Variants in RAVER1 observed in about 807,000 individuals in gnomAD.
The protein encoded by RAVER1 is ribonucleoprotein, PTB binding 1.
A neutral mutation model predicts 68.4 loss-of-function variants in RAVER1; 36 were observed. The ratio of observed to expected loss-of-function variants is 0.53; its 90% CI spans 0.40 to 0.70. The LOEUF is 0.70. Among genes scored for constraint, RAVER1 ranks in the 30% least tolerant of loss-of-function variants. RAVER1 has a pLI of 0.00. For missense variants in RAVER1, 933 were observed against 1,019.8 expected (o/e 0.91, Z 1.16); for synonymous variants, 469 against 472.7 (o/e 0.99, Z 0.10).
At position 10,322,508 on chromosome 19, in the gene RAVER1, G is replaced by A. The variant is rs1023388018; in HGVS notation, c.1173+137C>T. 1.7e-5 allele frequency: 10 copies of A among 603,004 alleles called. No individual in the cohort carries two copies. Among genetic ancestry groups the A allele is most frequent in the Non-Finnish European group, 2.6e-5 (9 of 349,832 alleles). 37.4% of individuals were successfully genotyped at this position (603,004 alleles called of 1,614,324 possible). ...ATGTGGGTGGGAAAGGCAGGGGTTT[G>A]GGGGAGTCGCCCTCACCCTGGTTCT... On this transcript the variant is annotated intron_variant, in intron 6 of 12. Transcript: ENST00000617231. The surrounding 1 kb of genome is among the most constrained non-coding windows in gnomAD (Gnocchi z 4.3).
In RAVER1 at chr19:10,329,026, C is replaced by T. The variant is rs1325168598; in HGVS notation, c.372G>A (p.Ser124=). The part of the protein sequence containing the change: ...HQSRLREREL[S]VQLQPTDALL... ...GGGCATCCGTGGGCTGCAGCTGCAC[C>T]GACAGTTCACGCTCCCGCAGGCGGC... The change falls in exon 3 of 13, where the codon TCG becomes TCA. Residue 124 remains serine (S), a synonymous_variant. Coordinates refer to ENST00000617231, the MANE Select transcript of RAVER1 (RefSeq NM_133452.3). This position sits in a 1 kb window ranked among gnomAD's most constrained non-coding sequence, Gnocchi z 4.6. 10 of 1,559,310 alleles carry T rather than the reference C, an allele frequency of 6.4e-6. No individual in the cohort carries two copies. The highest frequency in any genetic ancestry group is 4.6e-5 in the East Asian group (2 of 43,696).
Position 10,317,764 on chromosome 19 carries a change from A to T in RAVER1, c.1999T>A (p.Ser667Thr). 1 of 1,584,248 alleles carries T rather than the reference A, an allele frequency of 6.3e-7. No homozygotes were observed. The highest frequency in any genetic ancestry group is 2.3e-5 in the East Asian group (1 of 44,062). ...CCTTCTCCGGACCCCAGCGGGGAAGAGCCGATTGCCTGGGAGAAATGGAGA... is the reference window on the plus strand; with the variant it reads ...CCTTCTCCGGACCCCAGCGGGGAAGTGCCGATTGCCTGGGAGAAATGGAGA... Reference protein sequence around the residue: ...KQSHLSKAIGSSPLGSGEGLL... With the variant: ...KQSHLSKAIGTSPLGSGEGLL... The change falls in exon 12 of 13, where the codon TCT (serine) becomes ACT (threonine). Residue 667 changes from serine (S) to threonine (T), a missense_variant. Physicochemically the swap from Ser to Thr is moderately conservative, Grantham distance 58 (BLOSUM62 1). Transcript: ENST00000617231. The surrounding 1 kb of genome is among the most constrained non-coding windows in gnomAD (Gnocchi z 4.3).
At position 10,317,117 on chromosome 19, in the gene RAVER1, A is replaced by G; in HGVS notation, c.*337T>C. ...CAGGGAAACCTCCAAGGCACTCGAA[A>G]GGCCAAAATTACAGGAGCAATGAGG... On this transcript the variant is annotated 3_prime_UTR_variant, in exon 13 of 13. Coordinates refer to ENST00000617231, the MANE Select transcript of RAVER1 (RefSeq NM_133452.3). The surrounding 1 kb of genome is among the most constrained non-coding windows in gnomAD (Gnocchi z 4.3). 2.8e-6 allele frequency: 1 copy of G among 358,290 alleles called. No homozygotes were observed. Among genetic ancestry groups the G allele is most frequent in the Non-Finnish European group, 5.1e-6 (1 of 195,754 alleles). 22.2% of individuals were successfully genotyped at this position (358,290 alleles called of 1,614,324 possible). A position where few individuals can be genotyped will look rare whatever the true frequency, so the allele number is the denominator to read the frequency against.
At position 10,333,298 on chromosome 19, in the gene RAVER1, C is replaced by G; in HGVS notation, c.210G>C (p.Val70=). ...KILIRGLPGD[V]TNQEVHDLLS... The stretch of plus-strand genomic sequence containing the variant: ...CCGCCCCCCCCAATACCTGGTTGGT[C>G]ACGTCCCCCGGGAGGCCCCGGATCA... Residue 70 remains valine, a synonymous_variant, in exon 1 of 13, where the codon GTG becomes GTC. Transcript: ENST00000617231. The surrounding 1 kb of genome is among the most constrained non-coding windows in gnomAD (Gnocchi z 4.2). The G allele has an allele frequency of 1.2e-6, 2 of 1,613,606 alleles. No homozygotes were observed. Among genetic ancestry groups the G allele is most frequent in the South Asian group, 2.2e-5 (2 of 91,058 alleles).
chr19:10,323,791 G>C lies in RAVER1; in HGVS notation c.757-225C>G, dbSNP rs1264639454. Among the ~76,000 whole-genome samples, 1 of 152,174 alleles carries C rather than the reference G, an allele frequency of 6.6e-6. No homozygotes were observed. Among genetic ancestry groups the C allele is most frequent in the Admixed American group, 6.6e-5 (1 of 15,262 alleles). ...AGAGAAGGCAACTGAGGCACGGAGA[G>C]GTCAGCGCACCCAAGGCCACACAGC... On this transcript the variant is annotated intron_variant, in intron 3 of 12. Coordinates refer to ENST00000617231, the MANE Select transcript of RAVER1 (RefSeq NM_133452.3). The surrounding 1 kb of genome is among the most constrained non-coding windows in gnomAD (Gnocchi z 6.2).
chr19:10,318,408 T>C (rs761091649), intron 10 of RAVER1, 36 bp from the exon 11 acceptor site: 4 of 1,536,780 alleles, frequency 2.6e-6, no homozygotes, highest in East Asian at 2.4e-5. Context: ...AAGCAGACAA[T>C]TGTAGTACCC....
chr19:10,333,351 G>A lies in RAVER1; in HGVS notation c.157C>T (p.Arg53Cys). Residue 53 changes from arginine to cysteine, a missense_variant, in exon 1 of 13, where the codon CGC becomes TGC. Arg to Cys is a radical substitution (Grantham distance 180, BLOSUM62 -3). This residue lies in a region of RAVER1 where 211 missense variants were observed against 230.0 expected (regional missense o/e 0.92). Coordinates refer to ENST00000617231, the MANE Select transcript of RAVER1 (RefSeq NM_133452.3). The surrounding 1 kb of genome is among the most constrained non-coding windows in gnomAD (Gnocchi z 4.2). ...ATCTTGCGGCGGTTACGGAACTGGC[G>A]CTCGGTGTGTTCCAGGCGTTTCCGG... ...EIRKRLEHTE[R>C]QFRNRRKILI... is the part of the protein sequence containing the mutation. 1 of 1,613,882 alleles carries A rather than the reference G, an allele frequency of 6.2e-7. No homozygotes were observed. Among genetic ancestry groups the A allele is most frequent in the South Asian group, 1.1e-5 (1 of 91,080 alleles).
At chr19:10,324,820 G>C (rs2040463187) in intron 3 of RAVER1, among the ~76,000 whole-genome samples, 3 of 152,168 alleles carry the variant, frequency 2.0e-5, no homozygotes, top group Admixed American at 2.0e-4. Context: ...ATTCAGCTGG[G>C]TCACCTAACA....
At position 10,323,545 on chromosome 19, in the gene RAVER1, G is replaced by A. The variant is rs1360579641; in HGVS notation, c.778C>T (p.Gln260Ter). 4 of 1,592,204 alleles carry A rather than the reference G, an allele frequency of 2.5e-6. No individual in the cohort carries two copies. In the African/African-American group the frequency reaches 5.4e-5, roughly 21 times the overall value. The change falls in exon 4 of 13, where the codon CAG becomes TAG. Residue 260 changes from glutamine to a stop codon, truncating the protein, a stop_gained. Transcript: ENST00000617231. LOFTEE classifies it high-confidence loss of function. This position sits in a 1 kb window ranked among gnomAD's most constrained non-coding sequence, Gnocchi z 6.2. Reference protein sequence around the residue: ...FCQLACGQDGQLKGFAVLEYE... With the variant: ...FCQLACGQDG The stretch of plus-strand genomic sequence containing the variant: ...TCCAGCACCGCGAAGCCCTTCAGCT[G>A]CCCATCCTGGCCGCACGCCAGCTGC...
rs766396874 is a variant in RAVER1 at position 10,333,499 on chromosome 19, C to A, written c.9G>T (p.Ala3=). 1.3e-5 allele frequency: 20 copies of A among 1,598,780 alleles called. No individual in the cohort carries two copies. The Admixed American group carries it at 3.2e-4, about 26-fold the overall frequency. The part of the protein sequence containing the change: MA[A]DVSVTHRPPL... Reference sequence around the variant, plus strand: ...GGGGCCGGTGAGTAACGGACACGTCCGCCGCCATCTTGGGAAACCCGGCGC... The same window carrying A: ...GGGGCCGGTGAGTAACGGACACGTCAGCCGCCATCTTGGGAAACCCGGCGC... Residue 3 remains alanine (A), a synonymous_variant, in exon 1 of 13, where the codon GCG becomes GCT. Coordinates refer to ENST00000617231, the MANE Select transcript of RAVER1 (RefSeq NM_133452.3). This position sits in a 1 kb window ranked among gnomAD's most constrained non-coding sequence, Gnocchi z 4.2.
chr19:10,333,321 T>C lies in RAVER1; in HGVS notation c.187A>G (p.Ile63Val). The C allele has an allele frequency of 6.2e-7, 1 of 1,613,806 alleles. No homozygotes were observed. Among genetic ancestry groups the C allele is most frequent in the Non-Finnish European group, 8.5e-7 (1 of 1,179,772 alleles). The stretch of plus-strand genomic sequence containing the variant: ...GTCACGTCCCCCGGGAGGCCCCGGA[T>C]CAGTATCTTGCGGCGGTTACGGAAC... ...RQFRNRRKILIRGLPGDVTNQ... is the reference protein window; with the variant it reads ...RQFRNRRKILVRGLPGDVTNQ... Residue 63 changes from isoleucine to valine, a missense_variant, in exon 1 of 13, where the codon ATC becomes GTC. Physicochemically the swap from Ile to Val is conservative, Grantham distance 29. This residue lies in a region of RAVER1 where 211 missense variants were observed against 230.0 expected (regional missense o/e 0.92). Coordinates refer to ENST00000617231, the MANE Select transcript of RAVER1 (RefSeq NM_133452.3). This position sits in a 1 kb window ranked among gnomAD's most constrained non-coding sequence, Gnocchi z 4.2.
chr19:10,331,183 A>G (rs1241592954), intron 1 of RAVER1, among the ~76,000 whole-genome samples: 2 of 149,798 alleles, frequency 1.3e-5, no homozygotes, highest in African/African-American at 2.5e-5. Flanking sequence ...CCCCGTCTCT[A>G]CTAAAAATAC....
chr19:10,331,367 A>T (rs2040515486), intron 1 of RAVER1, among the ~76,000 whole-genome samples: 1 of 126,844 alleles, frequency 7.9e-6, no homozygotes, highest in African/African-American at 3.0e-5. Flanking sequence ...AAAAAAAAAA[A>T]AAAAAAAAAA....
At position 10,318,206 on chromosome 19, in the gene RAVER1, G is replaced by A. The variant is rs373343720; in HGVS notation, c.1989+23C>T. ...ATCCTAGCTGTCCCAGGGGGCCTGT[G>A]CTTGGCCAGAGAGGTTCCTCACCTT... On this transcript the variant is annotated intron_variant, in intron 11 of 12. Transcript: ENST00000617231. The A allele has an allele frequency of 4.5e-4, 716 of 1,587,420 alleles. 2 individuals are homozygous for A. The highest frequency in any genetic ancestry group is 5.5e-4 in the Non-Finnish European group (648 of 1,168,288).
chr19:10,331,440 G>A (rs1362447989), intron 1 of RAVER1, among the ~76,000 whole-genome samples: 2 of 128,568 alleles, frequency 1.6e-5, no homozygotes, highest in East Asian at 2.4e-4. Context: ...TGTAATTCCA[G>A]CACTTTGGAG....
rs2040448371 is a variant in RAVER1, at chr19:10,322,852, GGGGGTGGGCAGTGGA to G, written c.1079-128_1079-114del. The G allele has an allele frequency of 4.8e-6, 3 of 620,496 alleles. No individual in the cohort carries two copies. Among genetic ancestry groups the G allele is most frequent in the Non-Finnish European group, 8.0e-6 (3 of 376,502 alleles). The allele number at this position is 620,496 out of a possible 1,614,324, so 38.4% of individuals were successfully genotyped here. ...GCAGGAAACTGACACTCTGGGGCCG[GGGGGTGGGCAGTGGA>G]CTTGCCCAAAGGAAGGGCCTAGAAG... On this transcript the variant is annotated intron_variant, in intron 5 of 12. Coordinates refer to ENST00000617231, the MANE Select transcript of RAVER1 (RefSeq NM_133452.3). This position sits in a 1 kb window ranked among gnomAD's most constrained non-coding sequence, Gnocchi z 4.3.
At chr19:10,325,437 G>A (rs2040467754) in intron 3 of RAVER1, among the ~76,000 whole-genome samples, 1 of 151,852 alleles carries the variant, frequency 6.6e-6, no homozygotes, top group Non-Finnish European at 1.5e-5. Flanking sequence ...CACCATGTTA[G>A]CCAGGATGGC....
In RAVER1 at chr19:10,317,608, CAG is replaced by C; in HGVS notation, c.2074-10_2074-9del. Reference sequence around the variant, plus strand: ...CTGGCCGCCCAGTGGGGTCTGGAGACAGAGGGCAGGGCGGGGCGGGTCAGGGG... The same window carrying C: ...CTGGCCGCCCAGTGGGGTCTGGAGACAGGGCAGGGCGGGGCGGGTCAGGGG... On this transcript the variant is annotated splice_polypyrimidine_tract_variant and intron_variant, in intron 12 of 12. Transcript: ENST00000617231. The surrounding 1 kb of genome is among the most constrained non-coding windows in gnomAD (Gnocchi z 4.3). 6.3e-7 allele frequency: 1 copy of C among 1,598,364 alleles called. No individual in the cohort carries two copies. Among genetic ancestry groups the C allele is most frequent in the South Asian group, 1.1e-5 (1 of 90,186 alleles).
chr19:10,326,830 G>C (rs995897487), intron 3 of RAVER1, among the ~76,000 whole-genome samples: 2 of 145,932 alleles, frequency 1.4e-5, no homozygotes, highest in Admixed American at 1.4e-4. Flanking sequence ...ACAGTGGCGT[G>C]ATCTCAGCTC....
Sources: gnomAD v4.1 joint callset for allele counts (sites outside exome capture counted in the v4.1 genomes callset) on GRCh38, gnomAD v4.1.1 for gene constraint, gnomAD v4.1.1 regional missense constraint, Gnocchi (gnomAD v3.1) non-coding constraint, MANE v1.5 for transcripts, NCBI Gene and HGNC (gene_info 2026-07-23, HGNC 2026-07-21) for gene names.